Variants in SLC2A13 observed in about 807,000 individuals in gnomAD.
SLC2A13 encodes solute carrier family 2 member 13.
A neutral mutation model predicts 64.4 loss-of-function variants in SLC2A13; 32 were observed. The observed-to-expected ratio is 0.50, with a 90% CI of 0.37 to 0.67. The LOEUF (loss-of-function observed/expected upper bound fraction) is 0.67. Ranked by LOEUF, SLC2A13 falls within the 30% of genes least tolerant of loss-of-function variation. The pLI, the probability that SLC2A13 is intolerant of heterozygous loss-of-function variation, is 0.00. For synonymous variants in SLC2A13, 338 were observed against 327.1 expected (o/e 1.03, Z -0.36); for missense variants, 743 against 829.2 (o/e 0.90, Z 1.28).
At chr12:39,966,577 C>T (rs1476828399) in intron 3 of SLC2A13, among the ~76,000 whole-genome samples, 1 of 152,140 alleles carries the variant, frequency 6.6e-6, no homozygotes, top group Admixed American at 6.5e-5. Flanking sequence ...TCCATTAGCA[C>T]ATTCAGCAGA....
intron 3 of SLC2A13, among the ~76,000 whole-genome samples, chr12:39,972,039 T>A (rs1591964927): frequency 8.6e-5 from 1 of 11,612 alleles, no homozygotes; most frequent in East Asian, 2.1e-3. Context: ...AATATATATA[T>A]AAATTATATA....
chr12:39,867,921 T>G (rs1047838193), intron 5 of SLC2A13, among the ~76,000 whole-genome samples: 1 of 152,180 alleles, frequency 6.6e-6, no homozygotes, highest in Non-Finnish European at 1.5e-5. Context: ...GATAAGCTCC[T>G]TACAAGAAGG....
intron 1 of SLC2A13, among the ~76,000 whole-genome samples, chr12:40,081,494 G>A (rs540757863): frequency 6.6e-6 from 1 of 152,168 alleles, no homozygotes; most frequent in Admixed American, 6.5e-5. Context: ...TAATACTTCT[G>A]ACTGTATTAT....
intron 1 of SLC2A13, among the ~76,000 whole-genome samples, chr12:40,078,016 T>C (rs1239319775): frequency 6.6e-6 from 1 of 152,226 alleles, no homozygotes; most frequent in Non-Finnish European, 1.5e-5. Context: ...CCTAAAACTT[T>C]GCTGAAGTTG....
chr12:39,946,398 G>C (rs989434235), intron 4 of SLC2A13, among the ~76,000 whole-genome samples: 12 of 152,212 alleles, frequency 7.9e-5, no homozygotes, highest in Non-Finnish European at 1.5e-4. Flanking sequence ...GAGAGGGACT[G>C]GCAGTGGGCA....
intron 4 of SLC2A13, among the ~76,000 whole-genome samples, chr12:39,907,319 C>G (rs908155279): frequency 6.6e-6 from 1 of 152,024 alleles, no homozygotes; most frequent in African/African-American, 2.4e-5. Context: ...ATGTAGTGAG[C>G]AAATTTAAAT....
chr12:39,927,387 A>G (rs1945748091), intron 4 of SLC2A13, among the ~76,000 whole-genome samples: 1 of 152,224 alleles, frequency 6.6e-6, no homozygotes, highest in African/African-American at 2.4e-5. Flanking sequence ...TTTCCTGGAA[A>G]GAATATAAAC....
At chr12:40,099,517 T>C (rs1939076063) in intron 1 of SLC2A13, among the ~76,000 whole-genome samples, 1 of 152,240 alleles carries the variant, frequency 6.6e-6, no homozygotes, top group Non-Finnish European at 1.5e-5. Flanking sequence ...GAGTGTGTTC[T>C]TACTTTAAGT....
chr12:39,954,700 A>G (rs1405441583), intron 3 of SLC2A13, among the ~76,000 whole-genome samples: 1 of 152,226 alleles, frequency 6.6e-6, no homozygotes, highest in Non-Finnish European at 1.5e-5. Context: ...ACAAAACTCA[A>G]TGAGATAAAA....
intron 3 of SLC2A13, among the ~76,000 whole-genome samples, chr12:40,005,345 C>T (rs1214711143): frequency 6.6e-6 from 1 of 152,154 alleles, no homozygotes; most frequent in Non-Finnish European, 1.5e-5. Context: ...AGAGGTACAA[C>T]TACCCTTTAG....
At chr12:39,821,627 T>C (rs1007821580) in intron 7 of SLC2A13, among the ~76,000 whole-genome samples, 22 of 152,182 alleles carry the variant, frequency 1.4e-4, no homozygotes, top group African/African-American at 5.3e-4. Flanking sequence ...CCAAATCTAA[T>C]GGAACACCTT....
At chr12:40,067,635 T>C (rs972441173) in intron 1 of SLC2A13, among the ~76,000 whole-genome samples, 2 of 152,192 alleles carry the variant, frequency 1.3e-5, no homozygotes, top group Admixed American at 1.3e-4. Context: ...AGCTTTCTAC[T>C]CATTTTTGTC....
chr12:40,064,805 T>A (rs1349316790), intron 1 of SLC2A13, among the ~76,000 whole-genome samples: 2 of 152,188 alleles, frequency 1.3e-5, no homozygotes, highest in East Asian at 3.9e-4. Context: ...GTTATAGTAC[T>A]AGAAATCCTG....
chr12:39,945,711 T>C (rs1946120901), intron 4 of SLC2A13, among the ~76,000 whole-genome samples: 1 of 152,202 alleles, frequency 6.6e-6, no homozygotes, highest in Admixed American at 6.5e-5. Flanking sequence ...TTTTATTGTT[T>C]TTCTTTAAGC....
chr12:40,105,263 T>G lies in SLC2A13; in HGVS notation c.546A>C (p.Gly182=). Residue 182 remains glycine, a synonymous_variant, in exon 1 of 10, where the codon GGA becomes GGC. Coordinates refer to ENST00000280871, the MANE Select transcript of SLC2A13 (RefSeq NM_052885.4). This position sits in a 1 kb window ranked among gnomAD's most constrained non-coding sequence, Gnocchi z 4.2. ...GGAGCCCGAACTCACCGATGCCGAGTCCCACGACCAGGCGGCCGGCGAGCA... is the reference window on the plus strand; with the variant it reads ...GGAGCCCGAACTCACCGATGCCGAGGCCCACGACCAGGCGGCCGGCGAGCA... ...ETLLAGRLVV[G]LGIGIASMTV... is the part of the protein sequence containing the mutation. The G allele has an allele frequency of 6.3e-7, 1 of 1,593,484 alleles. No individual in the cohort carries two copies. Among genetic ancestry groups the G allele is most frequent in the Non-Finnish European group, 8.5e-7 (1 of 1,172,770 alleles).
At chr12:39,778,097 G>A (rs1444716100) in intron 7 of SLC2A13, among the ~76,000 whole-genome samples, 5 of 152,160 alleles carry the variant, frequency 3.3e-5, no homozygotes, top group Non-Finnish European at 7.3e-5. Flanking sequence ...TCCCCTAGAG[G>A]TTTGAGCAGC....
chr12:40,066,422 A>AT (rs1937729169), intron 1 of SLC2A13, among the ~76,000 whole-genome samples: 1 of 152,120 alleles, frequency 6.6e-6, no homozygotes, highest in Non-Finnish European at 1.5e-5. Context: ...GCGATAAAGC[A>AT]TTAAAGACTA....
At chr12:39,968,792 A>AAGTTGG (rs1946584336) in intron 3 of SLC2A13, among the ~76,000 whole-genome samples, 1 of 18,522 alleles carries the variant, frequency 5.4e-5, no homozygotes, top group Non-Finnish European at 1.8e-4. Flanking sequence ...ATATATATAT[A>AAGTTGG]TATATATATA....
At chr12:40,036,051 C>T (rs546851199) in intron 2 of SLC2A13, among the ~76,000 whole-genome samples, 1 of 152,230 alleles carries the variant, frequency 6.6e-6, no homozygotes, top group East Asian at 1.9e-4. Flanking sequence ...CCATGAAAAG[C>T]TCTGAGCTAG....
Sources: gnomAD v4.1 joint callset for allele counts (sites outside exome capture counted in the v4.1 genomes callset) on GRCh38, gnomAD v4.1.1 for gene constraint, Gnocchi (gnomAD v3.1) non-coding constraint, MANE v1.5 for transcripts, NCBI Gene and HGNC (gene_info 2026-07-23, HGNC 2026-07-21) for gene names.